Variants in COG4 observed in about 807,000 individuals in gnomAD.
The protein encoded by COG4 is conserved oligomeric Golgi complex subunit 4.
Under a neutral mutation model 95.1 loss-of-function variants are expected in COG4, and 65 were observed. That is an observed-to-expected ratio of 0.68 (90% CI 0.56 to 0.84). The LOEUF is 0.84. Among genes scored for constraint, COG4 ranks in the 40% least tolerant of loss-of-function variants. The probability of loss-of-function intolerance (pLI) is 0.00; values close to 1 mark genes in which losing one functional copy is unlikely to be tolerated. For missense variants in COG4, 1,045 were observed against 989.1 expected (o/e 1.06, Z -0.76); for synonymous variants, 421 against 374.8 (o/e 1.12, Z -1.42).
rs2049781384 is a variant in COG4, at chr16:70,514,475, T to G, written c.404A>C (p.Asp135Ala). 6.2e-7 allele frequency: 1 copy of G among 1,614,008 alleles called. No homozygotes were observed. The change falls in exon 4 of 19, where the codon GAC becomes GCC. Residue 135 changes from aspartate (D) to alanine (A), a missense_variant. Asp to Ala is a moderately radical substitution (Grantham distance 126, BLOSUM62 -2). Transcript: ENST00000323786. ...CATGCAGAACTTCAGGTCCAAGATG[T>G]CATCAGCTCTCTGAATGGCCTGATA... is the stretch of plus-strand genomic sequence containing the variant. ...RLYQAIQRAD[D>A]ILDLKFCMDG...
Position 70,514,324 on chromosome 16 carries a change from C to G in COG4, c.544+11G>C. On this transcript the variant is annotated intron_variant, in intron 4 of 18. Transcript: ENST00000323786. Reference sequence around the variant, plus strand: ...TAACTAAACTAAAAACCAACAGTTTCGGATGCTGACCCTCTTTGCCCTGTC... The same window carrying G: ...TAACTAAACTAAAAACCAACAGTTTGGGATGCTGACCCTCTTTGCCCTGTC... 1.2e-6 allele frequency: 2 copies of G among 1,613,918 alleles called. No homozygotes were observed. The highest frequency in any genetic ancestry group is 1.7e-6 in the Non-Finnish European group (2 of 1,179,834).
intron 8 of COG4, among the ~76,000 whole-genome samples, chr16:70,505,612 G>C (rs2049548004): frequency 6.7e-6 from 1 of 149,534 alleles, no homozygotes; most frequent in Admixed American, 6.7e-5. Context: ...GGCAGATCAT[G>C]AGGTCAGGAG....
chr16:70,508,394 A>T lies in COG4; in HGVS notation c.1061+12T>A. 2 of 1,610,998 alleles carry T rather than the reference A, an allele frequency of 1.2e-6. No individual in the cohort carries two copies. The highest frequency in any genetic ancestry group is 2.2e-5 in the South Asian group (2 of 91,038). On this transcript the variant is annotated intron_variant, in intron 8 of 18. Coordinates refer to ENST00000323786, the MANE Select transcript of COG4 (RefSeq NM_015386.3). ...AACTCCTGTGGGCTGAAGAAGAGAG[A>T]AGGATTATTACCTTGGTTCGATTTT...
At chr16:70,482,044 G>A (rs756895864) in intron 16 of COG4, 48 bp downstream of exon 16, 1 of 1,514,026 alleles carries the variant, frequency 6.6e-7, no homozygotes, top group Non-Finnish European at 9.2e-7. Flanking sequence ...TGCTGGTTTG[G>A]GCTGACGTGG....
Position 70,497,272 on chromosome 16 carries a change from C to T in COG4, c.1430G>A (p.Cys477Tyr). 6.2e-7 allele frequency: 1 copy of T among 1,614,174 alleles called. No homozygotes were observed. Among genetic ancestry groups the T allele is most frequent in the Non-Finnish European group, 8.5e-7 (1 of 1,180,044 alleles). ...GGCGAGGTTGATCATGGCACAGAGACAGTCAATGCTGGAGCTGGACAGAGC... is the reference window on the plus strand; with the variant it reads ...GGCGAGGTTGATCATGGCACAGAGATAGTCAATGCTGGAGCTGGACAGAGC... ...GRALSSSSID[C>Y]LCAMINLATT... Residue 477 changes from cysteine to tyrosine, a missense_variant, in exon 11 of 19, where the codon TGT becomes TAT. Cys to Tyr is a radical substitution (Grantham distance 194). Transcript: ENST00000323786.
Position 70,501,233 on chromosome 16 carries a change from T to G in COG4, c.1062-142A>C, listed in dbSNP as rs2049443470. 9 of 814,256 alleles carry G rather than the reference T, an allele frequency of 1.1e-5. No homozygotes were observed. In the East Asian group the frequency reaches 2.3e-4, roughly 21 times the overall value. The allele number at this position is 814,256 out of a possible 1,614,324, so 50.4% of individuals were successfully genotyped here. ...TGCCAGATGGCCCTCCTAGCTCTGC[T>G]GGCCCAATTAGAATCAGAGATAGCT... On this transcript the variant is annotated intron_variant, in intron 8 of 18. Coordinates refer to ENST00000323786, the MANE Select transcript of COG4 (RefSeq NM_015386.3).
rs1424743581 is a variant in COG4, at chr16:70,517,346, C to G, written c.369+280G>C. ...AGGAGTTTGAGGCCAGCCTGGCTAA[C>G]ATGGCGAAAGGTGGAAGGATAACTT... On this transcript the variant is annotated intron_variant, in intron 3 of 18. Coordinates refer to ENST00000323786, the MANE Select transcript of COG4 (RefSeq NM_015386.3). Among the ~76,000 whole-genome samples the G allele has an allele frequency of 2.0e-5, 3 of 151,882 alleles. No individual in the cohort carries two copies. In the East Asian group the frequency reaches 5.8e-4, roughly 30 times the overall value.
At chr16:70,485,481 G>C (rs1443486234) in intron 13 of COG4, among the ~76,000 whole-genome samples, 1 of 151,566 alleles carries the variant, frequency 6.6e-6, no homozygotes, top group East Asian at 1.9e-4. Context: ...TGGATTTACA[G>C]GTGTGAGCCA....
At position 70,501,351 on chromosome 16, in the gene COG4, C is replaced by T. The variant is rs546030309; in HGVS notation, c.1062-260G>A. ...AATAAAAGGTTGGGAGATGTGTCTT[C>T]TTTTCTTTACTTTTTTTTTTGAGAT... On this transcript the variant is annotated intron_variant, in intron 8 of 18. Coordinates refer to ENST00000323786, the MANE Select transcript of COG4 (RefSeq NM_015386.3). The T allele has an allele frequency of 2.2e-4, 103 of 472,482 alleles. 1 individual carries two copies. Among genetic ancestry groups the T allele is most frequent in the African/African-American group, 1.6e-3 (82 of 51,006 alleles). The allele number at this position is 472,482 out of a possible 1,614,324, so 29.3% of individuals were successfully genotyped here.
In COG4 at chr16:70,482,167, G is replaced by A. The variant is rs1330685770; in HGVS notation, c.1929C>T (p.Phe643=). 6.2e-7 allele frequency: 1 copy of A among 1,612,036 alleles called. No individual in the cohort carries two copies. Among genetic ancestry groups the A allele is most frequent in the South Asian group, 1.1e-5 (1 of 91,024 alleles). ...AAGGGTCGTTGGCCTCATAGTCATT[G>A]AATTCTTCCTGTTGTCAGGAAGCAG... ...SVSHNIEEEE[F]NDYEANDPWV... The change falls in exon 16 of 19, where the codon TTC becomes TTT. Residue 643 remains phenylalanine (F), a synonymous_variant. Transcript: ENST00000323786.
chr16:70,511,278 C>T (rs140379119), intron 5 of COG4, among the ~76,000 whole-genome samples: 1 of 141,906 alleles, frequency 7.0e-6, no homozygotes, highest in East Asian at 2.0e-4. Flanking sequence ...TCATTTTAAA[C>T]AGGAATGACA....
chr16:70,497,868 A>G, intron 10 of COG4, 69 bp downstream of exon 10: 1 of 893,084 alleles, frequency 1.1e-6, no homozygotes, highest in South Asian at 1.3e-5. Context: ...GACATGCCTC[A>G]GCCATTTCCC....
chr16:70,488,934 A>G (rs1342273175), intron 13 of COG4, among the ~76,000 whole-genome samples: 6 of 152,174 alleles, frequency 3.9e-5, no homozygotes, highest in African/African-American at 1.4e-4. Context: ...ATATTACCAC[A>G]TTCCTCTCAT....
At chr16:70,506,128 G>A (rs1203860161) in intron 8 of COG4, among the ~76,000 whole-genome samples, 1 of 152,064 alleles carries the variant, frequency 6.6e-6, no homozygotes, top group Non-Finnish European at 1.5e-5. Context: ...CGGGTGCGGT[G>A]GCTCATGCCT....
rs1017655967 is a variant in COG4, at chr16:70,493,821, G to A, written c.1647+2445C>T. Reference sequence around the variant, plus strand: ...GTTCAGGAATACTCATCTAGAGGCCGTGGGAGGGAGGAAATAGAGGGCCTG... The same window carrying A: ...GTTCAGGAATACTCATCTAGAGGCCATGGGAGGGAGGAAATAGAGGGCCTG... On this transcript the variant is annotated intron_variant, in intron 12 of 18. Transcript: ENST00000323786. 5.3e-5 allele frequency among the ~76,000 whole-genome samples: 8 copies of A among 152,142 alleles called. No individual in the cohort carries two copies. In the South Asian group the frequency reaches 8.3e-4, roughly 16 times the overall value.
intron 5 of COG4, 143 bp downstream of exon 5, chr16:70,512,096 T>G: frequency 1.2e-6 from 1 of 803,340 alleles, no homozygotes; most frequent in Non-Finnish European, 2.1e-6. Flanking sequence ...ATGCATCCAG[T>G]CCTGCATGGC....
At chr16:70,496,890 G>A (rs563429128) in intron 11 of COG4, among the ~76,000 whole-genome samples, 1 of 152,292 alleles carries the variant, frequency 6.6e-6, no homozygotes, top group East Asian at 1.9e-4. Context: ...GTTGTTATTA[G>A]GACCTCAAAA....
chr16:70,482,750 G>A lies in COG4; in HGVS notation c.1899C>T (p.Ser633=), dbSNP rs554213038. 2.0e-5 allele frequency: 33 copies of A among 1,613,644 alleles called. 1 individual carries two copies. Among genetic ancestry groups the A allele is most frequent in the South Asian group, 5.5e-5 (5 of 91,062 alleles). ...TAACCTCCTCGATGTTGTGGGAGAC[G>A]GAGAAAAAGCTGTTGATCCAAGGCT... ...QVQPWINSFF[S]VSHNIEEEEF... Residue 633 remains serine, a synonymous_variant, in exon 15 of 19, where the codon TCC becomes TCT. Coordinates refer to ENST00000323786, the MANE Select transcript of COG4 (RefSeq NM_015386.3).
intron 13 of COG4, among the ~76,000 whole-genome samples, chr16:70,489,239 G>C (rs1362457101): frequency 6.9e-6 from 1 of 145,414 alleles, no homozygotes; most frequent in African/African-American, 2.6e-5. Flanking sequence ...TTTTTTTTGA[G>C]ACAGAATCTC....
Sources: allele counts gnomAD v4.1 joint callset (sites outside exome capture counted in the v4.1 genomes callset), GRCh38; gene constraint gnomAD v4.1.1; transcripts MANE v1.5; gene names NCBI Gene and HGNC (gene_info 2026-07-23, HGNC 2026-07-21).